The following ANKFN1 variants were observed in gnomAD, a reference collection of about 807,000 sequenced individuals.
ANKFN1 encodes the protein ankyrin repeat and fibronectin type-III domain-containing protein 1.
In ANKFN1, 74 loss-of-function variants were observed where a neutral mutation model predicts 108.7. The ratio of observed to expected loss-of-function variants is 0.68; its 90% confidence interval spans 0.56 to 0.83. The LOEUF is 0.83. ANKFN1 is among the 40% of genes least tolerant of loss of function. The probability of loss-of-function intolerance (pLI) is 0.00; values close to 1 mark genes in which losing one functional copy is unlikely to be tolerated. For missense variants in ANKFN1, 1,505 were observed against 1,382.3 expected (o/e 1.09, Z -1.41); for synonymous variants, 547 against 516.2 (o/e 1.06, Z -0.81).
At chr17:56,410,973 T>A (rs2048073388) in intron 8 of ANKFN1, among the ~76,000 whole-genome samples, 1 of 152,246 alleles carries the variant, frequency 6.6e-6, no homozygotes, top group Non-Finnish European at 1.5e-5. Context: ...TGCTCAAGAT[T>A]GCTTTGATTA....
intron 3 of ANKFN1, among the ~76,000 whole-genome samples, chr17:56,271,615 A>T (rs1452689675): frequency 6.6e-6 from 1 of 152,178 alleles, no homozygotes; most frequent in African/African-American, 2.4e-5. Flanking sequence ...GTATTTGGCC[A>T]TTGAGTCAGC....
intron 4 of ANKFN1, among the ~76,000 whole-genome samples, chr17:56,122,282 T>C (rs1906671009): frequency 6.6e-6 from 1 of 152,198 alleles, no homozygotes; most frequent in Non-Finnish European, 1.5e-5. Context: ...CTTCAAACCT[T>C]GAAATTACAG....
chr17:56,218,197 C>G (rs1341915655), intron 2 of ANKFN1, among the ~76,000 whole-genome samples: 1 of 151,548 alleles, frequency 6.6e-6, no homozygotes, highest in Non-Finnish European at 1.5e-5. Context: ...CTCTCTCTCT[C>G]TCTCTCTTCC....
intron 8 of ANKFN1, among the ~76,000 whole-genome samples, chr17:56,411,481 C>G (rs1029505261): frequency 2.0e-5 from 3 of 152,020 alleles, no homozygotes; most frequent in African/African-American, 7.2e-5. Flanking sequence ...CTTTTTATTT[C>G]TTTTTCTTGC....
chr17:56,474,019 G>A (rs186558970), intron 15 of ANKFN1, among the ~76,000 whole-genome samples: 5 of 152,206 alleles, frequency 3.3e-5, no homozygotes, highest in East Asian at 1.9e-4. Context: ...AGTTTCAACC[G>A]TAATTATCAT....
intron 8 of ANKFN1, among the ~76,000 whole-genome samples, chr17:56,431,857 C>CT (rs2145117498): frequency 6.6e-6 from 1 of 152,350 alleles, no homozygotes; most frequent in Admixed American, 6.5e-5. Context: ...GTATCTTGGT[C>CT]TTTGTGTGTG....
Position 56,351,678 on chromosome 17 carries a change from G to C in ANKFN1, c.390+711G>C, listed in dbSNP as rs956297425. Among the ~76,000 whole-genome samples, 3 of 152,164 alleles carry C rather than the reference G, an allele frequency of 2.0e-5. No individual in the cohort carries two copies. In the East Asian group the frequency reaches 5.8e-4, roughly 29 times the overall value. On this transcript the variant is annotated intron_variant, in intron 5 of 20. Coordinates refer to ENST00000682825, the MANE Select transcript of ANKFN1 (RefSeq NM_001370326.1). ...GGAATGAATATTCACCTGTTGCTCA[G>C]TCCTCTGGACCTTGTAGATGTCATA... is the stretch of plus-strand genomic sequence containing the variant.
At chr17:56,130,188 C>A (rs772963263) in intron 4 of ANKFN1, among the ~76,000 whole-genome samples, 2 of 152,204 alleles carry the variant, frequency 1.3e-5, no homozygotes, top group Non-Finnish European at 2.9e-5. Flanking sequence ...AGCAGCAATG[C>A]TCGCATTCAT....
chr17:56,440,278 A>G, intron 8 of ANKFN1, 49 bp from the exon 9 acceptor site: 3 of 1,259,000 alleles, frequency 2.4e-6, no homozygotes, highest in Non-Finnish European at 1.1e-6. Context: ...GTGTGACTGA[A>G]TTTTATTCTC....
intron 20 of ANKFN1, among the ~76,000 whole-genome samples, chr17:56,502,281 T>C (rs1469710260): frequency 1.3e-5 from 2 of 152,142 alleles, no homozygotes; most frequent in Non-Finnish European, 2.9e-5. Flanking sequence ...AGGGTGGCCT[T>C]CTCTATGCCA....
chr17:56,469,703 C>T (rs958062619), intron 15 of ANKFN1, among the ~76,000 whole-genome samples: 1 of 152,074 alleles, frequency 6.6e-6, no homozygotes, highest in Non-Finnish European at 1.5e-5. Context: ...TGAGTTAGTA[C>T]ATACATGATT....
Position 56,382,975 on chromosome 17 carries a change from A to G in ANKFN1, c.910+8261A>G, listed in dbSNP as rs540098834. Reference sequence around the variant, plus strand: ...AATTGAACTCAGCTCTGCACCAAGCAGACCTAATAGACATCTACAGAACTC... The same window carrying G: ...AATTGAACTCAGCTCTGCACCAAGCGGACCTAATAGACATCTACAGAACTC... On this transcript the variant is annotated intron_variant, in intron 8 of 20. Transcript: ENST00000682825. Among the ~76,000 whole-genome samples the G allele has an allele frequency of 2.0e-4, 30 of 152,244 alleles. No individual in the cohort carries two copies. In the South Asian group the frequency reaches 3.7e-3, roughly 19 times the overall value.
At chr17:56,466,704 G>C in intron 15 of ANKFN1, 133 bp downstream of exon 15, 1 of 731,236 alleles carries the variant, frequency 1.4e-6, no homozygotes, top group Non-Finnish European at 2.2e-6. Context: ...ATATGTTGTT[G>C]CAAATGCAGA....
intron 1 of ANKFN1, among the ~76,000 whole-genome samples, chr17:56,186,446 C>A (rs1159579347): frequency 6.6e-6 from 1 of 151,816 alleles, no homozygotes; most frequent in South Asian, 2.1e-4. Context: ...AGAGGTTAAG[C>A]GGCTTGTCCA....
intron 4 of ANKFN1, among the ~76,000 whole-genome samples, chr17:56,111,491 A>G (rs571712765): frequency 6.6e-6 from 1 of 151,834 alleles, no homozygotes; most frequent in East Asian, 1.9e-4. Flanking sequence ...AATACAAGTA[A>G]ATATTTAAGA....
intron 8 of ANKFN1, among the ~76,000 whole-genome samples, chr17:56,378,239 A>G (rs929926147): frequency 1.1e-4 from 16 of 152,122 alleles, no homozygotes; most frequent in African/African-American, 3.9e-4. Context: ...AGGGCGGTGT[A>G]TGAGGGGACA....
intron 3 of ANKFN1, among the ~76,000 whole-genome samples, chr17:56,324,356 T>C (rs2045457385): frequency 1.3e-5 from 2 of 152,196 alleles, no homozygotes; most frequent in South Asian, 4.1e-4. Flanking sequence ...CATGGATGAA[T>C]TAATGAATTT....
chr17:56,166,602 C>A (rs1229902135), intron 1 of ANKFN1, among the ~76,000 whole-genome samples: 1 of 152,086 alleles, frequency 6.6e-6, no homozygotes, highest in Non-Finnish European at 1.5e-5. Flanking sequence ...TGAACAGTTC[C>A]TCTAAATGCA....
intron 3 of ANKFN1, among the ~76,000 whole-genome samples, chr17:56,290,099 C>T (rs2044319476): frequency 6.6e-6 from 1 of 152,126 alleles, no homozygotes; most frequent in Admixed American, 6.5e-5. Flanking sequence ...TTCCTTTCCA[C>T]CCTTCTAATT....
Sources: allele counts gnomAD v4.1 joint callset (sites outside exome capture counted in the v4.1 genomes callset), GRCh38; gene constraint gnomAD v4.1.1; transcripts MANE v1.5; gene names NCBI Gene and HGNC (gene_info 2026-07-23, HGNC 2026-07-21).